The following GAS1 variants were observed in gnomAD, a reference collection of about 807,000 sequenced individuals.
The protein encoded by GAS1 is growth arrest specific 1, also known as growth arrest-specific protein 1.
Under a neutral mutation model 21.6 loss-of-function variants are expected in GAS1, and 10 were observed. The ratio of observed to expected loss-of-function variants is 0.46; its 90% CI spans 0.29 to 0.79. GAS1 has a LOEUF of 0.79. Among genes scored for constraint, GAS1 ranks in the 30% least tolerant of loss-of-function variants. The pLI, the probability that GAS1 is intolerant of heterozygous loss-of-function variation, is 0.10. For synonymous variants in GAS1, 332 were observed against 264.0 expected (o/e 1.26, Z -2.50); for missense variants, 567 against 544.3 (o/e 1.04, Z -0.42).
chr9:86,945,554 T>A lies in GAS1; in HGVS notation c.*188A>T, dbSNP rs1446384865. The A allele has an allele frequency of 2.1e-6, 1 of 471,928 alleles. No homozygotes were observed. 29.2% of individuals were successfully genotyped at this position (471,928 alleles called of 1,614,324 possible). A position where few individuals can be genotyped will look rare whatever the true frequency, so the allele number is the denominator to read the frequency against. ...AAGAAGTCAAGCTCCGGAGAGGAGCTTCAGGGGAAGTGCCCAGAGTCGTGG... is the reference window on the plus strand; with the variant it reads ...AAGAAGTCAAGCTCCGGAGAGGAGCATCAGGGGAAGTGCCCAGAGTCGTGG... On this transcript the variant is annotated 3_prime_UTR_variant, in exon 1 of 1. Transcript: ENST00000298743.
At position 86,944,670 on chromosome 9, in the gene GAS1, CA is replaced by C. The variant is rs1043481977; in HGVS notation, c.*1071del. The C allele has an allele frequency of 4.6e-5, 7 of 152,172 alleles. No individual in the cohort carries two copies. Among genetic ancestry groups the C allele is most frequent in the South Asian group, 2.1e-4 (1 of 4,822 alleles). 9.4% of individuals were successfully genotyped at this position (152,172 alleles called of 1,614,324 possible). A position where few individuals can be genotyped will look rare whatever the true frequency, so the allele number is the denominator to read the frequency against. ...GATGACAAATGGATTCTATACATTT[CA>C]GGGGGGAAAGGTGTAATATGGATGT... On this transcript the variant is annotated 3_prime_UTR_variant, in exon 1 of 1. Coordinates refer to ENST00000298743, the MANE Select transcript of GAS1 (RefSeq NM_002048.3).
At position 86,945,708 on chromosome 9, in the gene GAS1, G is replaced by T. The variant is rs1467299712; in HGVS notation, c.*34C>A. The T allele has an allele frequency of 6.6e-7, 1 of 1,515,112 alleles. No individual in the cohort carries two copies. 93.9% of individuals were successfully genotyped at this position (1,515,112 alleles called of 1,614,324 possible). The stretch of plus-strand genomic sequence containing the variant: ...AGGCGAGCACGGGAGTGGGACGCGG[G>T]CTCTCCCGCAGCCAACGGCGGGGGG... On this transcript the variant is annotated 3_prime_UTR_variant, in exon 1 of 1. Coordinates refer to ENST00000298743, the MANE Select transcript of GAS1 (RefSeq NM_002048.3).
rs1047698595 is a variant in GAS1, at chr9:86,947,478, C to A, written c.-699G>T. Reference sequence around the variant, plus strand: ...CGGCAGCTTCTCGGGTGACCAAGAGCCCGGGGAGCGGATCCGCTGAGCCCG... The same window carrying A: ...CGGCAGCTTCTCGGGTGACCAAGAGACCGGGGAGCGGATCCGCTGAGCCCG... On this transcript the variant is annotated 5_prime_UTR_variant, in exon 1 of 1. Coordinates refer to ENST00000298743, the MANE Select transcript of GAS1 (RefSeq NM_002048.3). Among the ~76,000 whole-genome samples, 1 of 152,188 alleles carries A rather than the reference C, an allele frequency of 6.6e-6. No individual in the cohort carries two copies. The highest frequency in any genetic ancestry group is 2.4e-5 in the African/African-American group (1 of 41,470).
In GAS1 at chr9:86,945,973, G is replaced by C; in HGVS notation, c.807C>G (p.Tyr269Ter). 2 of 1,606,388 alleles carry C rather than the reference G, an allele frequency of 1.2e-6. No homozygotes were observed. Among genetic ancestry groups the C allele is most frequent in the Non-Finnish European group, 1.7e-6 (2 of 1,178,488 alleles). ...CGCCCCCGGTGCGCTGCTCGTCATC[G>C]TAGTCCTCATCGTAGTAGTCGTCCA... ...GGLDDYYDED[Y>*]DDEQRTGGAG... The change falls in exon 1 of 1, where the codon TAC becomes TAG. Residue 269 changes from tyrosine (Y) to a stop codon, truncating the protein, a stop_gained. Transcript: ENST00000298743. LOFTEE classifies it high-confidence loss of function.
Position 86,946,723 on chromosome 9 carries a change from G to T in GAS1, c.57C>A (p.Gly19=). 7.4e-7 allele frequency: 1 copy of T among 1,350,474 alleles called. No individual in the cohort carries two copies. The allele number at this position is 1,350,474 out of a possible 1,614,324, so 83.7% of individuals were successfully genotyped here. Residue 19 remains glycine (G), a synonymous_variant, in exon 1 of 1, where the codon GGC becomes GGA. Transcript: ENST00000298743. The surrounding 1 kb of genome is among the most constrained non-coding windows in gnomAD (Gnocchi z 5.2). ...GGEARGGTVP[G]AWLCLMALLQ... ...GCAGCGCCATCAGGCACAGCCAGGC[G>T]CCCGGCACTGTCCCCCCGCGGGCCT...
rs1176675857 is a variant in GAS1, at chr9:86,947,125, G to A, written c.-346C>T. On this transcript the variant is annotated 5_prime_UTR_variant, in exon 1 of 1. Transcript: ENST00000298743. ...CGGGGCTGCAGGACCGCGCGGCGCG[G>A]CGGGTGCATTTTGCTCCGCGCCTGC... 1 of 180,820 alleles carries A rather than the reference G, an allele frequency of 5.5e-6. No individual in the cohort carries two copies. The highest frequency in any genetic ancestry group is 1.5e-4 in the East Asian group (1 of 6,458). 11.2% of individuals were successfully genotyped at this position (180,820 alleles called of 1,614,324 possible). A position where few individuals can be genotyped will look rare whatever the true frequency, so the allele number is the denominator to read the frequency against.
In GAS1 at chr9:86,945,783, G is replaced by A; in HGVS notation, c.997C>T (p.Leu333Phe). 1 of 1,528,366 alleles carries A rather than the reference G, an allele frequency of 6.5e-7. No homozygotes were observed. The highest frequency in any genetic ancestry group is 8.8e-7 in the Non-Finnish European group (1 of 1,138,552). The allele number at this position is 1,528,366 out of a possible 1,614,324, so 94.7% of individuals were successfully genotyped here. A position where few individuals can be genotyped will look rare whatever the true frequency, so the allele number is the denominator to read the frequency against. ...RLAPRGAWTP[L>F]ASILLLLLGP... ...AGCAGCAGCAGCAAGATGGAGGCGA[G>A]TGGGGTCCAGGCGCCCCGGGGCGCC... is the stretch of plus-strand genomic sequence containing the variant. Residue 333 changes from leucine to phenylalanine, a missense_variant, in exon 1 of 1, where the codon CTC (leucine) becomes TTC (phenylalanine). Leu to Phe is a conservative substitution (Grantham distance 22, BLOSUM62 0). Coordinates refer to ENST00000298743, the MANE Select transcript of GAS1 (RefSeq NM_002048.3).
chr9:86,946,781 GC>G lies in GAS1; in HGVS notation c.-3del. ...GCCGCCCAGCAGCGCGGCCACCATC[GC>G]GGGCAGCGGCGGCCGCCGGGAGAGG... On this transcript the variant is annotated 5_prime_UTR_variant, in exon 1 of 1. Transcript: ENST00000298743. The surrounding 1 kb of genome is among the most constrained non-coding windows in gnomAD (Gnocchi z 5.2). The G allele has an allele frequency of 1.1e-6, 1 of 909,092 alleles. No homozygotes were observed. The highest frequency in any genetic ancestry group is 2.8e-5 in the South Asian group (1 of 36,240). 56.3% of individuals were successfully genotyped at this position (909,092 alleles called of 1,614,324 possible).
At position 86,946,647 on chromosome 9, in the gene GAS1, G is replaced by C. The variant is rs922820794; in HGVS notation, c.133C>G (p.Arg45Gly). The C allele has an allele frequency of 4.4e-4, 643 of 1,446,682 alleles. 1 individual carries two copies. The highest frequency in any genetic ancestry group is 7.3e-4 in the Middle Eastern group (3 of 4,090). 89.6% of individuals were successfully genotyped at this position (1,446,682 alleles called of 1,614,324 possible). A position where few individuals can be genotyped will look rare whatever the true frequency, so the allele number is the denominator to read the frequency against. Reference sequence around the variant, plus strand: ...AGCAGCGCCTGCCAGCAGATGAGGCGGCGGCCGTGCGCCAGCCCCGATCCC... The same window carrying C: ...AGCAGCGCCTGCCAGCAGATGAGGCCGCGGCCGTGCGCCAGCCCCGATCCC... ...PRGSGLAHGR[R>G]LICWQALLQC... The change falls in exon 1 of 1, where the codon CGC becomes GGC. Residue 45 changes from arginine (R) to glycine (G), a missense_variant. Coordinates refer to ENST00000298743, the MANE Select transcript of GAS1 (RefSeq NM_002048.3). The surrounding 1 kb of genome is among the most constrained non-coding windows in gnomAD (Gnocchi z 5.2).
chr9:86,945,565 TG>T lies in GAS1; in HGVS notation c.*176del, dbSNP rs3834100. 606 of 496,386 alleles carry T rather than the reference TG, an allele frequency of 1.2e-3. 5 individuals are homozygous for T. In the East Asian group the frequency reaches 0.021, roughly 17 times the overall value. 30.7% of individuals were successfully genotyped at this position (496,386 alleles called of 1,614,324 possible). On this transcript the variant is annotated 3_prime_UTR_variant, in exon 1 of 1. Coordinates refer to ENST00000298743, the MANE Select transcript of GAS1 (RefSeq NM_002048.3). Reference sequence around the variant, plus strand: ...CTCCGGAGAGGAGCTTCAGGGGAAGTGCCCAGAGTCGTGGCCGGGGAACCGG... The same window carrying T: ...CTCCGGAGAGGAGCTTCAGGGGAAGTCCCAGAGTCGTGGCCGGGGAACCGG...
Position 86,945,752 on chromosome 9 carries a change from G to C in GAS1, c.1028C>G (p.Pro343Arg). 6.5e-7 allele frequency: 1 copy of C among 1,531,704 alleles called. No homozygotes were observed. The highest frequency in any genetic ancestry group is 8.8e-7 in the Non-Finnish European group (1 of 1,140,012). The allele number at this position is 1,531,704 out of a possible 1,614,324, so 94.9% of individuals were successfully genotyped here. A position where few individuals can be genotyped will look rare whatever the true frequency, so the allele number is the denominator to read the frequency against. Residue 343 changes from proline (P) to arginine (R), a missense_variant, in exon 1 of 1, where the codon CCG (proline) becomes CGG (arginine). By Grantham distance (103) the Pro-to-Arg change is moderately radical (BLOSUM62 -2). Coordinates refer to ENST00000298743, the MANE Select transcript of GAS1 (RefSeq NM_002048.3). ...LASILLLLLGPLF is the reference protein window; with the variant it reads ...LASILLLLLGRLF ...CGGGGGGCGCGAGGGCTAAAAGAGC[G>C]GCCCAAGCAGCAGCAGCAAGATGGA... is the stretch of plus-strand genomic sequence containing the variant.
chr9:86,947,416 C>G lies in GAS1; in HGVS notation c.-637G>C, dbSNP rs1825520598. Among the ~76,000 whole-genome samples, 1 of 152,078 alleles carries G rather than the reference C, an allele frequency of 6.6e-6. No homozygotes were observed. The highest frequency in any genetic ancestry group is 1.5e-5 in the Non-Finnish European group (1 of 68,004). ...GGAAGCGCGGGGAGAACAAGAAAGT[C>G]GGCGCTGCCGGAGAGCGGCTCCCTG... On this transcript the variant is annotated 5_prime_UTR_variant, in exon 1 of 1. Transcript: ENST00000298743.
In GAS1 at chr9:86,945,559, G is replaced by A; in HGVS notation, c.*183C>T. The A allele has an allele frequency of 2.1e-6, 1 of 480,544 alleles. No homozygotes were observed. Among genetic ancestry groups the A allele is most frequent in the East Asian group, 3.8e-5 (1 of 26,504 alleles). 29.8% of individuals were successfully genotyped at this position (480,544 alleles called of 1,614,324 possible). A position where few individuals can be genotyped will look rare whatever the true frequency, so the allele number is the denominator to read the frequency against. On this transcript the variant is annotated 3_prime_UTR_variant, in exon 1 of 1. Coordinates refer to ENST00000298743, the MANE Select transcript of GAS1 (RefSeq NM_002048.3). ...GTCAAGCTCCGGAGAGGAGCTTCAG[G>A]GGAAGTGCCCAGAGTCGTGGCCGGG...
Position 86,945,405 on chromosome 9 carries a change from A to G in GAS1, c.*337T>C, listed in dbSNP as rs1825466038. ...CAGCACCTTCCCTTTCGAGTCCAGGACTACTGTTCTGTCCCCCACATGCTT... is the reference window on the plus strand; with the variant it reads ...CAGCACCTTCCCTTTCGAGTCCAGGGCTACTGTTCTGTCCCCCACATGCTT... On this transcript the variant is annotated 3_prime_UTR_variant, in exon 1 of 1. Coordinates refer to ENST00000298743, the MANE Select transcript of GAS1 (RefSeq NM_002048.3). 1 of 218,786 alleles carries G rather than the reference A, an allele frequency of 4.6e-6. No individual in the cohort carries two copies. The highest frequency in any genetic ancestry group is 2.3e-5 in the African/African-American group (1 of 43,716). The allele number at this position is 218,786 out of a possible 1,614,324, so 13.6% of individuals were successfully genotyped here.
In GAS1 at chr9:86,946,180, C is replaced by G. The variant is rs1825485177; in HGVS notation, c.600G>C (p.Thr200=). 5.6e-6 allele frequency: 9 copies of G among 1,606,168 alleles called. No homozygotes were observed. Among genetic ancestry groups the G allele is most frequent in the Non-Finnish European group, 7.6e-6 (9 of 1,179,432 alleles). ...CCTCAATGACGGTGCGGCATTCGTCCGTGCAGCGCAGCCCGTTGAAGACTT... is the reference window on the plus strand; with the variant it reads ...CCTCAATGACGGTGCGGCATTCGTCGGTGCAGCGCAGCCCGTTGAAGACTT... ...CGKVFNGLRC[T]DECRTVIEDM... The change falls in exon 1 of 1, where the codon ACG becomes ACC. Residue 200 remains threonine, a synonymous_variant. Transcript: ENST00000298743. The surrounding 1 kb of genome is among the most constrained non-coding windows in gnomAD (Gnocchi z 5.2).
Position 86,946,173 on chromosome 9 carries a change from A to G in GAS1, c.607T>C (p.Cys203Arg). 1 of 1,607,182 alleles carries G rather than the reference A, an allele frequency of 6.2e-7. No individual in the cohort carries two copies. The highest frequency in any genetic ancestry group is 8.5e-7 in the Non-Finnish European group (1 of 1,179,538). ...AGCATGTCCTCAATGACGGTGCGGC[A>G]TTCGTCCGTGCAGCGCAGCCCGTTG... ...VFNGLRCTDE[C>R]RTVIEDMLAM... The change falls in exon 1 of 1, where the codon TGC (cysteine) becomes CGC (arginine). Residue 203 changes from cysteine to arginine, a missense_variant. Physicochemically the swap from Cys to Arg is radical, Grantham distance 180. Transcript: ENST00000298743. The surrounding 1 kb of genome is among the most constrained non-coding windows in gnomAD (Gnocchi z 5.2).
rs113149366 is a variant in GAS1 at position 86,945,528 on chromosome 9, C to G, written c.*214G>C. The G allele has an allele frequency of 0.043, 18,262 of 420,190 alleles. 596 individuals are homozygous for G. The highest frequency in any genetic ancestry group is 0.11 in the African/African-American group (5,326 of 47,700). The allele number at this position is 420,190 out of a possible 1,614,324, so 26.0% of individuals were successfully genotyped here. On this transcript the variant is annotated 3_prime_UTR_variant, in exon 1 of 1. Transcript: ENST00000298743. ...TGGAATTGGGGCGGGGGAGGAGGTC[C>G]AAGAAGTCAAGCTCCGGAGAGGAGC...
At position 86,945,944 on chromosome 9, in the gene GAS1, C is replaced by T; in HGVS notation, c.836G>A (p.Gly279Asp). ...YDDEQRTGGA[G>D]GEQPLDDDDG... is the part of the protein sequence containing the mutation. ...GTCGTCGTCCAGCGGCTGCTCACCA[C>T]CCGCGCCCCCGGTGCGCTGCTCGTC... Residue 279 changes from glycine to aspartate, a missense_variant, in exon 1 of 1, where the codon GGT (glycine) becomes GAT (aspartate). By Grantham distance (94) the Gly-to-Asp change is moderately conservative. Coordinates refer to ENST00000298743, the MANE Select transcript of GAS1 (RefSeq NM_002048.3). The T allele has an allele frequency of 6.3e-7, 1 of 1,593,164 alleles. No individual in the cohort carries two copies. The highest frequency in any genetic ancestry group is 8.5e-7 in the Non-Finnish European group (1 of 1,172,666).
Position 86,945,041 on chromosome 9 carries a change from A to C in GAS1, c.*701T>G, listed in dbSNP as rs964700734. 5 of 152,190 alleles carry C rather than the reference A, an allele frequency of 3.3e-5. No individual in the cohort carries two copies. Among genetic ancestry groups the C allele is most frequent in the African/African-American group, 1.2e-4 (5 of 41,446 alleles). The allele number at this position is 152,190 out of a possible 1,614,324, so 9.4% of individuals were successfully genotyped here. A position where few individuals can be genotyped will look rare whatever the true frequency, so the allele number is the denominator to read the frequency against. ...CAGCATTTTTGGACCCTTAATCCTA[A>C]GAAATGTGCTAAGAGATCAGAGTGG... On this transcript the variant is annotated 3_prime_UTR_variant, in exon 1 of 1. Coordinates refer to ENST00000298743, the MANE Select transcript of GAS1 (RefSeq NM_002048.3).
Sources: allele counts gnomAD v4.1 joint callset (sites outside exome capture counted in the v4.1 genomes callset), GRCh38; gene constraint gnomAD v4.1.1; non-coding constraint Gnocchi (gnomAD v3.1); transcripts MANE v1.5; gene names NCBI Gene and HGNC (gene_info 2026-07-23, HGNC 2026-07-21).